The following DTNA variants were observed in gnomAD, a reference collection of about 807,000 sequenced individuals.
DTNA encodes the protein dystrobrevin alpha.
Under a neutral mutation model 100.7 loss-of-function variants are expected in DTNA, and 43 were observed. The ratio of observed to expected loss-of-function variants is 0.43; its 90% confidence interval spans 0.33 to 0.55. DTNA has a LOEUF of 0.55. Among genes scored for constraint, DTNA ranks in the 20% least tolerant of loss-of-function variants. The pLI is 0.04. For missense variants in DTNA, 798 were observed against 953.9 expected (o/e 0.84, Z 2.15); for synonymous variants, 349 against 347.9 (o/e 1.00, Z -0.04).
intron 17 of DTNA, chr18:34,868,655 T>G (rs537489425): frequency 1.0e-6 from 1 of 985,346 alleles, no homozygotes; most frequent in African/African-American, 1.7e-5. Flanking sequence ...TTTATTATAC[T>G]GGCATATATA....
chr18:34,507,273 A>G (rs1272594641), intron 1 of DTNA, among the ~76,000 whole-genome samples: 2 of 152,138 alleles, frequency 1.3e-5, no homozygotes, highest in Non-Finnish European at 1.5e-5. Context: ...CTCTCACTAA[A>G]TGCTCTTTGT....
intron 5 of DTNA, among the ~76,000 whole-genome samples, chr18:34,807,094 C>T (rs1222648426): frequency 6.6e-6 from 1 of 152,140 alleles, no homozygotes. Flanking sequence ...TTCTGGGTCC[C>T]ACCCCAAGAA....
chr18:34,640,834 A>G (rs1461759404), intron 1 of DTNA, among the ~76,000 whole-genome samples: 1 of 152,214 alleles, frequency 6.6e-6, no homozygotes, highest in African/African-American at 2.4e-5. Flanking sequence ...AGTTTATTCT[A>G]AAAGCAAAGG....
At chr18:34,715,391 T>TA (rs1672323383) in intron 1 of DTNA, among the ~76,000 whole-genome samples, 1 of 152,140 alleles carries the variant, frequency 6.6e-6, no homozygotes, top group African/African-American at 2.4e-5. Context: ...TTTAGAGTGG[T>TA]ATTACTATAA....
In DTNA at chr18:34,524,667, T is replaced by A. The variant is rs568999511; in HGVS notation, c.-2+31153T>A. On this transcript the variant is annotated intron_variant, in intron 1 of 19. Transcript: ENST00000283365. ...ATTATTTTTTCTGGTGCTGGTGCTC[T>A]GGTATGCAAACATAGTATGTCTTTT... is the stretch of plus-strand genomic sequence containing the variant. 2.0e-5 allele frequency among the ~76,000 whole-genome samples: 3 copies of A among 152,298 alleles called. No individual in the cohort carries two copies. The South Asian group carries it at 6.2e-4, about 32-fold the overall frequency.
chr18:34,710,357 T>A lies in DTNA; in HGVS notation c.-90T>A, dbSNP rs2082659736. 1 of 152,206 alleles carries A rather than the reference T, an allele frequency of 6.6e-6. No homozygotes were observed. Among genetic ancestry groups the A allele is most frequent in the Non-Finnish European group, 1.5e-5 (1 of 68,040 alleles). 9.4% of individuals were successfully genotyped at this position (152,206 alleles called of 1,614,324 possible). ...TTACTTTGGAGTTTGTTTGGAAATG[T>A]GTAAGGTCAAATACTATAGTTTTCA... On this transcript the variant is annotated 5_prime_UTR_variant, in exon 1 of 23. Transcript: ENST00000444659.
chr18:34,745,388 A>C (rs11876211), intron 1 of DTNA, among the ~76,000 whole-genome samples: 1 of 151,984 alleles, frequency 6.6e-6, no homozygotes, highest in African/African-American at 2.4e-5. Context: ...AGCCCCAGTA[A>C]TTTTTCTCAA....
At chr18:34,497,500 C>T (rs897495536) in intron 1 of DTNA, among the ~76,000 whole-genome samples, 2 of 152,058 alleles carry the variant, frequency 1.3e-5, no homozygotes, top group African/African-American at 2.4e-5. Context: ...TGAAACACAA[C>T]GGGGAGAGTA....
Position 34,888,266 on chromosome 18 carries a change from A to G in DTNA, c.*532A>G. 1.0e-6 allele frequency: 1 copy of G among 985,758 alleles called. No individual in the cohort carries two copies. Among genetic ancestry groups the G allele is most frequent in the Non-Finnish European group, 1.2e-6 (1 of 829,900 alleles). The allele number at this position is 985,758 out of a possible 1,614,324, so 61.1% of individuals were successfully genotyped here. A position where few individuals can be genotyped will look rare whatever the true frequency, so the allele number is the denominator to read the frequency against. On this transcript the variant is annotated 3_prime_UTR_variant, in exon 23 of 23. Coordinates refer to ENST00000444659, the MANE Select transcript of DTNA (RefSeq NM_001386795.1). ...CAAAACAGTTTATTATACACTGTAC[A>G]TTTTTTTCACAGCAATTGGAAAAAA...
chr18:34,800,519 G>A (rs1009225129), intron 4 of DTNA, among the ~76,000 whole-genome samples: 1 of 152,178 alleles, frequency 6.6e-6, no homozygotes, highest in African/African-American at 2.4e-5. Flanking sequence ...TGGAAGCAGA[G>A]GGAGGAAGCA....
At chr18:34,510,893 T>C (rs1026082085) in intron 1 of DTNA, among the ~76,000 whole-genome samples, 20 of 152,076 alleles carry the variant, frequency 1.3e-4, no homozygotes, top group Admixed American at 1.2e-3. Flanking sequence ...TAAATGGCCT[T>C]GTGTGTTTAA....
At chr18:34,773,136 G>A (rs1464467743) in intron 3 of DTNA, among the ~76,000 whole-genome samples, 2 of 152,280 alleles carry the variant, frequency 1.3e-5, no homozygotes, top group East Asian at 1.9e-4. Context: ...AGTGACTCAC[G>A]TGTTTATATC....
chr18:34,752,369 A>G (rs4799777), intron 1 of DTNA, among the ~76,000 whole-genome samples: 151,619 of 152,328 alleles, frequency 1, 75,464 homozygotes, highest in Middle Eastern at 1. Flanking sequence ...TCTCTCTTTC[A>G]AAGGCAGTGA....
intron 1 of DTNA, among the ~76,000 whole-genome samples, chr18:34,725,042 T>C (rs1044865044): frequency 7.9e-5 from 12 of 152,146 alleles, no homozygotes; most frequent in African/African-American, 2.2e-4. Flanking sequence ...TGGCTAGTCA[T>C]ATGCAGAAAA....
At chr18:34,707,670 C>T (rs1482434989), upstream of DTNA, among the ~76,000 whole-genome samples, 1 of 152,154 alleles carries the variant, frequency 6.6e-6, no homozygotes, top group African/African-American at 2.4e-5. Flanking sequence ...ACAAGGTAAA[C>T]ACTCCTGATG....
chr18:34,553,385 T>C (rs2045667688), intron 1 of DTNA, among the ~76,000 whole-genome samples: 1 of 150,646 alleles, frequency 6.6e-6, no homozygotes, highest in Non-Finnish European at 1.5e-5. Flanking sequence ...TTAGTTTAAT[T>C]AGATCCCATT....
chr18:34,517,082 A>G (rs1300952792), intron 1 of DTNA, among the ~76,000 whole-genome samples: 1 of 152,094 alleles, frequency 6.6e-6, no homozygotes, highest in Non-Finnish European at 1.5e-5. Flanking sequence ...TTCACAATTT[A>G]TGTTCTTCTG....
intron 1 of DTNA, among the ~76,000 whole-genome samples, chr18:34,672,758 T>C (rs2076925159): frequency 6.6e-6 from 1 of 152,184 alleles, no homozygotes. Flanking sequence ...CAAAATTATA[T>C]ATAGTTTACA....
At chr18:34,723,918 GAAAGA>G (rs2085968446) in intron 1 of DTNA, among the ~76,000 whole-genome samples, 1 of 148,704 alleles carries the variant, frequency 6.7e-6, no homozygotes, top group Non-Finnish European at 1.5e-5. Flanking sequence ...AGAAAAGAAA[GAAAGA>G]AAAAAAAACT....
Sources: allele counts gnomAD v4.1 joint callset (sites outside exome capture counted in the v4.1 genomes callset), GRCh38; gene constraint gnomAD v4.1.1; transcripts MANE v1.5; gene names NCBI Gene and HGNC (gene_info 2026-07-23, HGNC 2026-07-21).